The following AKAP7 variants were observed in gnomAD, a reference collection of about 807,000 sequenced individuals.
AKAP7 encodes A kinase (PRKA) anchor protein 7.
A neutral mutation model predicts 39.5 loss-of-function variants in AKAP7; 39 were observed. The ratio of observed to expected loss-of-function variants is 0.99; its 90% CI spans 0.76 to 1.29. AKAP7 has a LOEUF of 1.29. Among genes scored for constraint, AKAP7 ranks in the 50% most tolerant of loss-of-function variants. AKAP7 has a pLI of 0.00. For missense variants in AKAP7, 414 were observed against 407.7 expected (o/e 1.02, Z -0.13); for synonymous variants, 140 against 139.1 (o/e 1.01, Z -0.05).
intron 6 of AKAP7, among the ~76,000 whole-genome samples, chr6:131,213,245 C>A (rs955346292): frequency 6.6e-5 from 10 of 152,188 alleles, no homozygotes; most frequent in Non-Finnish European, 8.8e-5. Flanking sequence ...TCTCCTGCTT[C>A]AGTGTTGACG....
chr6:131,274,719 T>TC (rs961507361), intron 7 of AKAP7, among the ~76,000 whole-genome samples: 1 of 152,042 alleles, frequency 6.6e-6, no homozygotes, highest in Non-Finnish European at 1.5e-5. Context: ...TAGCTTTCTT[T>TC]CCCCCTAAGC....
intron 6 of AKAP7, 122 bp downstream of exon 6, chr6:131,199,695 C>A: frequency 1.2e-6 from 1 of 828,498 alleles, no homozygotes; most frequent in Non-Finnish European, 2.0e-6. Context: ...GTTTCCAAGT[C>A]AGGTTGGTTC....
chr6:131,220,414 A>G (rs544464717), intron 7 of AKAP7, among the ~76,000 whole-genome samples: 13 of 152,338 alleles, frequency 8.5e-5, no homozygotes, highest in African/African-American at 2.6e-4. Context: ...GAATAGAGCT[A>G]TACTCCACTT....
At chr6:131,154,371 A>C (rs1651757009) in intron 2 of AKAP7, among the ~76,000 whole-genome samples, 1 of 152,094 alleles carries the variant, frequency 6.6e-6, no homozygotes, top group African/African-American at 2.4e-5. Flanking sequence ...AATTAGTACA[A>C]GTGTTAACAG....
At chr6:131,224,730 C>CTTTTTTTTTTT (rs779047229) in intron 7 of AKAP7, among the ~76,000 whole-genome samples, 3 of 55,086 alleles carry the variant, frequency 5.4e-5, no homozygotes, top group African/African-American at 7.3e-5. Flanking sequence ...AGTTGATTCA[C>CTTTTTTTTTTT]TTTTTTTTTT....
chr6:131,179,594 A>G (rs1251164280), intron 5 of AKAP7, among the ~76,000 whole-genome samples: 1 of 151,914 alleles, frequency 6.6e-6, no homozygotes, highest in Non-Finnish European at 1.5e-5. Context: ...GACACATAAA[A>G]CGCGTTAAGG....
At chr6:131,246,196 A>G (rs1162527024) in intron 7 of AKAP7, among the ~76,000 whole-genome samples, 4 of 151,920 alleles carry the variant, frequency 2.6e-5, no homozygotes, top group Non-Finnish European at 4.4e-5. Flanking sequence ...ATCTTTTTCC[A>G]TTAGAGACAA....
At chr6:131,184,372 G>A in intron 5 of AKAP7, 1 of 658,958 alleles carries the variant, frequency 1.5e-6, no homozygotes. Context: ...TCCTTCAACA[G>A]GTCCAGACAC....
intron 1 of AKAP7, 65 bp from the exon 2 acceptor site, chr6:131,145,217 CATT>C: frequency 1.8e-6 from 2 of 1,100,736 alleles, no homozygotes; most frequent in Admixed American, 6.7e-5. Context: ...GAGTTATTTT[CATT>C]TAGGATATGT....
chr6:131,162,298 C>T (rs564533021), intron 3 of AKAP7, among the ~76,000 whole-genome samples: 8 of 152,322 alleles, frequency 5.3e-5, no homozygotes, highest in African/African-American at 9.6e-5. Flanking sequence ...GTCCTGTCCG[C>T]AGCTTTTAGT....
rs1172365052 is a variant in AKAP7 at position 131,282,191 on chromosome 6, G to A, written c.*465G>A. The A allele has an allele frequency of 2.3e-6, 3 of 1,282,102 alleles. No individual in the cohort carries two copies. The East Asian group carries it at 9.3e-5, about 40-fold the overall frequency. The allele number at this position is 1,282,102 out of a possible 1,614,324, so 79.4% of individuals were successfully genotyped here. On this transcript the variant is annotated 3_prime_UTR_variant, in exon 8 of 8. Coordinates refer to ENST00000431975, the MANE Select transcript of AKAP7 (RefSeq NM_016377.4). Reference sequence around the variant, plus strand: ...GTCATCTGTACAATTAGTCCATAATGTTTCATGTTTGTCCTAAGTGTGCTG... The same window carrying A: ...GTCATCTGTACAATTAGTCCATAATATTTCATGTTTGTCCTAAGTGTGCTG...
chr6:131,198,495 T>G (rs1397659180), intron 5 of AKAP7, among the ~76,000 whole-genome samples: 2 of 152,160 alleles, frequency 1.3e-5, no homozygotes, highest in Non-Finnish European at 2.9e-5. Flanking sequence ...TTTGTTTGTT[T>G]TTTTGTTTGT....
chr6:131,219,890 T>C (rs1320482108), intron 7 of AKAP7, 82 bp downstream of exon 7: 2 of 976,872 alleles, frequency 2.0e-6, no homozygotes, highest in East Asian at 6.2e-5. Context: ...TATTTAAACT[T>C]AGTTGTATAC....
intron 7 of AKAP7, among the ~76,000 whole-genome samples, chr6:131,238,095 G>A (rs1033119159): frequency 6.6e-6 from 1 of 151,950 alleles, no homozygotes; most frequent in African/African-American, 2.4e-5. Context: ...CAGAGATTCT[G>A]GTATGTTGTG....
Position 131,282,514 on chromosome 6 carries a change from G to C in AKAP7, c.*788G>C, listed in dbSNP as rs1205774279. On this transcript the variant is annotated 3_prime_UTR_variant, in exon 8 of 8. Coordinates refer to ENST00000431975, the MANE Select transcript of AKAP7 (RefSeq NM_016377.4). ...AACTTTTATTAAAGCCTGAGACTCA[G>C]GCCAGAATTAGGAGGGAGCTTTTTG... is the stretch of plus-strand genomic sequence containing the variant. The C allele has an allele frequency of 6.5e-7, 1 of 1,535,736 alleles. No individual in the cohort carries two copies. Among genetic ancestry groups the C allele is most frequent in the Non-Finnish European group, 8.7e-7 (1 of 1,146,804 alleles).
At chr6:131,174,513 AG>A (rs1408596056) in intron 5 of AKAP7, among the ~76,000 whole-genome samples, 1 of 152,254 alleles carries the variant, frequency 6.6e-6, no homozygotes, top group Non-Finnish European at 1.5e-5. Context: ...GGATCACTTG[AG>A]CTCAGGGCCT....
chr6:131,136,858 T>C (rs1800589586), intron 1 of AKAP7: 1 of 985,314 alleles, frequency 1.0e-6, no homozygotes, highest in Admixed American at 6.1e-5. Flanking sequence ...ATGCTAATAC[T>C]ATTTTTAGTA....
chr6:131,212,466 T>C lies in AKAP7; in HGVS notation c.703-7195T>C, dbSNP rs117738857. Among the ~76,000 whole-genome samples, 552 of 152,382 alleles carry C rather than the reference T, an allele frequency of 3.6e-3. 5 individuals are homozygous for C. The highest frequency in any genetic ancestry group is 6.2e-3 in the African/African-American group (259 of 41,598). On this transcript the variant is annotated intron_variant, in intron 6 of 7. Coordinates refer to ENST00000431975, the MANE Select transcript of AKAP7 (RefSeq NM_016377.4). ...TCAGACTCCCTTATATCTGTTACGA[T>C]GTCCAGGGAACAGTTCCAAACCAAA...
chr6:131,196,044 C>T (rs896735873), intron 5 of AKAP7, among the ~76,000 whole-genome samples: 3 of 152,058 alleles, frequency 2.0e-5, no homozygotes, highest in East Asian at 1.9e-4. Context: ...CTACCCCTAC[C>T]GCTTTCTCTC....
Sources: gnomAD v4.1 joint callset for allele counts (sites outside exome capture counted in the v4.1 genomes callset) on GRCh38, gnomAD v4.1.1 for gene constraint, MANE v1.5 for transcripts, NCBI Gene and HGNC (gene_info 2026-07-23, HGNC 2026-07-21) for gene names.